The following SULF2 variants were observed in gnomAD, a reference collection of about 807,000 sequenced individuals.
The protein encoded by SULF2 is extracellular sulfatase Sulf-2.
SULF2 carries 52 observed loss-of-function variants against 107.7 expected under a neutral mutation model. That is an observed-to-expected ratio of 0.48 (90% CI 0.39 to 0.61). SULF2 has a LOEUF of 0.61. SULF2 is among the 20% of genes least tolerant of loss of function. The pLI, the probability that SULF2 is intolerant of heterozygous loss-of-function variation, is 0.00. For missense variants in SULF2, 993 were observed against 1,177.3 expected (o/e 0.84, Z 2.29); for synonymous variants, 460 against 464.3 (o/e 0.99, Z 0.12).
rs1303571035 is a variant in SULF2 at position 47,694,634 on chromosome 20, G to C, written c.568-4339C>G. Among the ~76,000 whole-genome samples, 2 of 152,176 alleles carry C rather than the reference G, an allele frequency of 1.3e-5. No homozygotes were observed. The highest frequency in any genetic ancestry group is 2.9e-5 in the Non-Finnish European group (2 of 68,042). Reference sequence around the variant, plus strand: ...CGGCCCCCTCTGGCAAGCACCCTCTGAGCCTCAGGTGATTCCTGCAGGCAT... The same window carrying C: ...CGGCCCCCTCTGGCAAGCACCCTCTCAGCCTCAGGTGATTCCTGCAGGCAT... On this transcript the variant is annotated intron_variant, in intron 4 of 20. Transcript: ENST00000688720. The surrounding 1 kb of genome is among the most constrained non-coding windows in gnomAD (Gnocchi z 4.4).
chr20:47,750,108 A>T (rs1465999740), intron 2 of SULF2, among the ~76,000 whole-genome samples: 2 of 152,172 alleles, frequency 1.3e-5, no homozygotes, highest in African/African-American at 4.8e-5. Flanking sequence ...CAGCCTCCCG[A>T]GTAGCTGGGA....
At chr20:47,724,125 G>T (rs1249127880) in intron 3 of SULF2, among the ~76,000 whole-genome samples, 1 of 152,220 alleles carries the variant, frequency 6.6e-6, no homozygotes, top group Non-Finnish European at 1.5e-5. Context: ...GCCAAACAAG[G>T]TCTTGGCAGC....
chr20:47,735,764 C>T (rs1700305125), intron 3 of SULF2, among the ~76,000 whole-genome samples: 1 of 152,204 alleles, frequency 6.6e-6, no homozygotes, highest in Non-Finnish European at 1.5e-5. Context: ...TTGCTCCCCA[C>T]ACCAAAGCAT....
intron 3 of SULF2, among the ~76,000 whole-genome samples, chr20:47,713,787 A>G (rs1206051562): frequency 6.6e-6 from 1 of 152,144 alleles, no homozygotes; most frequent in African/African-American, 2.4e-5. Flanking sequence ...AAAAACAGAA[A>G]CAAAAAAGAA....
At chr20:47,715,185 CCT>C (rs2089076037) in intron 3 of SULF2, among the ~76,000 whole-genome samples, 1 of 151,046 alleles carries the variant, frequency 6.6e-6, no homozygotes, top group South Asian at 2.1e-4. Context: ...CCCACCTTGG[CCT>C]CTCTCAGTTC....
chr20:47,664,276 A>G, intron 14 of SULF2, 87 bp from the exon 15 acceptor site: 1 of 1,339,840 alleles, frequency 7.5e-7, no homozygotes, highest in Non-Finnish European at 1.0e-6. Flanking sequence ...TGGGACTCCC[A>G]TGTGTTGCTG....
Position 47,690,096 on chromosome 20 carries a change from G to A in SULF2, c.737+30C>T. 2.9e-6 allele frequency: 4 copies of A among 1,387,134 alleles called. No homozygotes were observed. The East Asian group carries it at 8.0e-5, about 28-fold the overall frequency. The allele number at this position is 1,387,134 out of a possible 1,614,324, so 85.9% of individuals were successfully genotyped here. On this transcript the variant is annotated intron_variant, in intron 5 of 20. Transcript: ENST00000688720. Reference sequence around the variant, plus strand: ...ACCCTCCCCCTTCATGCTAAGCAGTGCCTCTGGCAGGCAGAGTGCTGAGGC... The same window carrying A: ...ACCCTCCCCCTTCATGCTAAGCAGTACCTCTGGCAGGCAGAGTGCTGAGGC...
Position 47,736,882 on chromosome 20 carries a change from A to C in SULF2, c.236T>G (p.Ile79Ser), listed in dbSNP as rs1246279443. The change falls in exon 3 of 21, where the codon ATC becomes AGC. Residue 79 changes from isoleucine (I) to serine (S), a missense_variant. Ile to Ser is a moderately radical substitution (Grantham distance 142). This residue lies in a region of SULF2 where 388 missense variants were observed against 449.2 expected (regional missense o/e 0.86). Coordinates refer to ENST00000688720, the MANE Select transcript of SULF2 (RefSeq NM_001387048.1). ...CATGGGTGTGGTCACGAAGGCGTTG[A>C]TGAAGTGCGCCCCGCCCTGCTCCAT... is the stretch of plus-strand genomic sequence containing the variant. ...RIMEQGGAHF[I>S]NAFVTTPMCC... The C allele has an allele frequency of 1.9e-6, 3 of 1,614,234 alleles. No homozygotes were observed. Among genetic ancestry groups the C allele is most frequent in the Non-Finnish European group, 2.5e-6 (3 of 1,180,030 alleles).
chr20:47,706,658 C>T (rs1370733671), intron 3 of SULF2: 1 of 152,290 alleles, frequency 6.6e-6, no homozygotes, highest in Non-Finnish European at 1.5e-5. Context: ...CCTTGCTTTT[C>T]CTCTGGGGAC....
intron 3 of SULF2, among the ~76,000 whole-genome samples, chr20:47,727,543 T>C (rs942147717): frequency 2.0e-5 from 3 of 152,200 alleles, no homozygotes; most frequent in African/African-American, 7.2e-5. Flanking sequence ...TGGATACACC[T>C]GCTAAGGGGG....
chr20:47,733,163 G>A (rs1031589924), intron 3 of SULF2, among the ~76,000 whole-genome samples: 3 of 152,134 alleles, frequency 2.0e-5, no homozygotes, highest in African/African-American at 4.8e-5. Flanking sequence ...ATCCACTGAC[G>A]AATAATTACC....
Sources: allele counts gnomAD v4.1 joint callset (sites outside exome capture counted in the v4.1 genomes callset), GRCh38; gene constraint gnomAD v4.1.1; regional missense constraint gnomAD v4.1.1; non-coding constraint Gnocchi (gnomAD v3.1); transcripts MANE v1.5; gene names NCBI Gene and HGNC (gene_info 2026-07-23, HGNC 2026-07-21).